The following ADAMTSL3 variants were observed in gnomAD, a reference collection of about 807,000 sequenced individuals.
ADAMTSL3 encodes the protein ADAMTS like 3.
A neutral mutation model predicts 201.7 loss-of-function variants in ADAMTSL3; 128 were observed. The ratio of observed to expected loss-of-function variants is 0.63; its 90% CI spans 0.55 to 0.73. The LOEUF is 0.73. Among genes scored for constraint, ADAMTSL3 ranks in the 30% least tolerant of loss-of-function variants. The probability of loss-of-function intolerance (pLI) is 0.00; values close to 1 mark genes in which losing one functional copy is unlikely to be tolerated. For missense variants in ADAMTSL3, 1,990 were observed against 2,119.6 expected (o/e 0.94, Z 1.20); for synonymous variants, 738 against 748.4 (o/e 0.99, Z 0.23).
intron 25 of ADAMTSL3, among the ~76,000 whole-genome samples, chr15:84,017,915 G>A (rs1288343831): frequency 6.6e-6 from 1 of 152,184 alleles, no homozygotes; most frequent in African/African-American, 2.4e-5. Context: ...GATGACCAAA[G>A]TACAATGGTA....
At chr15:83,783,104 C>A (rs1002867481) in intron 4 of ADAMTSL3, among the ~76,000 whole-genome samples, 1 of 147,744 alleles carries the variant, frequency 6.8e-6, no homozygotes, top group African/African-American at 2.5e-5. Context: ...AACATAGAAA[C>A]AATAATATAA....
At position 83,948,165 on chromosome 15, in the gene ADAMTSL3, G is replaced by A. The variant is rs562292285; in HGVS notation, c.2490+5083G>A. On this transcript the variant is annotated intron_variant, in intron 19 of 29. Coordinates refer to ENST00000286744, the MANE Select transcript of ADAMTSL3 (RefSeq NM_207517.3). ...TGGATTTTAAAATATGGCATTCCCCGATTTTCCATAGAACTATGAATTACA... is the reference window on the plus strand; with the variant it reads ...TGGATTTTAAAATATGGCATTCCCCAATTTTCCATAGAACTATGAATTACA... Among the ~76,000 whole-genome samples, 125 of 152,182 alleles carry A rather than the reference G, an allele frequency of 8.2e-4. 2 individuals carry two copies. Among genetic ancestry groups the A allele is most frequent in the Middle Eastern group, 3.4e-3 (1 of 294 alleles).
At chr15:83,807,214 G>T (rs2141871872) in intron 5 of ADAMTSL3, among the ~76,000 whole-genome samples, 1 of 152,292 alleles carries the variant, frequency 6.6e-6, no homozygotes, top group Middle Eastern at 3.4e-3. Flanking sequence ...CCAGCACTTT[G>T]GGAGGCTGAG....
At chr15:83,995,502 C>T (rs773443211) in intron 23 of ADAMTSL3, among the ~76,000 whole-genome samples, 11 of 152,110 alleles carry the variant, frequency 7.2e-5, no homozygotes, top group Non-Finnish European at 1.5e-4. Flanking sequence ...ATCACTATAT[C>T]TGTTCAACAC....
At chr15:83,765,837 A>G (rs1372231081) in intron 3 of ADAMTSL3, among the ~76,000 whole-genome samples, 2 of 152,218 alleles carry the variant, frequency 1.3e-5, no homozygotes, top group African/African-American at 2.4e-5. Flanking sequence ...AAGTGTTTTC[A>G]TAGCTTTCCT....
intron 9 of ADAMTSL3, among the ~76,000 whole-genome samples, chr15:83,884,338 CTTTTTTT>C (rs35308485): frequency 1.7e-4 from 20 of 114,486 alleles, no homozygotes; most frequent in Admixed American, 5.7e-4. Flanking sequence ...GCCCTATTTC[CTTTTTTT>C]TTTTTTTTTT....
chr15:83,778,896 T>G (rs1408581341), intron 4 of ADAMTSL3, among the ~76,000 whole-genome samples: 1 of 152,066 alleles, frequency 6.6e-6, no homozygotes, highest in African/African-American at 2.4e-5. Context: ...GTGACACACA[T>G]AGGCTCAAAT....
intron 3 of ADAMTSL3, among the ~76,000 whole-genome samples, chr15:83,735,220 A>G (rs2062351705): frequency 6.6e-6 from 1 of 152,182 alleles, no homozygotes; most frequent in Non-Finnish European, 1.5e-5. Flanking sequence ...GAATAAGACT[A>G]AAATAAAAAT....
intron 5 of ADAMTSL3, among the ~76,000 whole-genome samples, chr15:83,805,386 C>T (rs762979517): frequency 3.3e-5 from 5 of 151,900 alleles, no homozygotes; most frequent in Non-Finnish European, 5.9e-5. Context: ...GGTGAAATCC[C>T]ATCTCTACTA....
intron 3 of ADAMTSL3, among the ~76,000 whole-genome samples, chr15:83,717,850 T>C (rs1361380432): frequency 6.6e-6 from 1 of 152,228 alleles, no homozygotes; most frequent in African/African-American, 2.4e-5. Context: ...TTAAAACTTT[T>C]TGCAGTGACG....
intron 23 of ADAMTSL3, among the ~76,000 whole-genome samples, chr15:83,996,847 C>A (rs1010031517): frequency 7.0e-6 from 1 of 142,914 alleles, no homozygotes; most frequent in African/African-American, 2.6e-5. Flanking sequence ...GAAAGTGAAA[C>A]CCTAATAGCC....
At chr15:83,695,177 G>GTTTGTGT (rs1490536360) in intron 2 of ADAMTSL3, among the ~76,000 whole-genome samples, 3 of 8,544 alleles carry the variant, frequency 3.5e-4, no homozygotes, top group Non-Finnish European at 5.0e-4. Flanking sequence ...TGTAGCATGT[G>GTTTGTGT]ATGTGCATGA....
At chr15:84,028,176 A>G (rs1009702749) in intron 27 of ADAMTSL3, among the ~76,000 whole-genome samples, 20 of 152,324 alleles carry the variant, frequency 1.3e-4, no homozygotes, top group African/African-American at 4.6e-4. Context: ...TGATTATGGT[A>G]AAGGTTATAC....
intron 9 of ADAMTSL3, among the ~76,000 whole-genome samples, chr15:83,881,591 A>G (rs1195620872): frequency 6.6e-6 from 1 of 152,246 alleles, no homozygotes; most frequent in Non-Finnish European, 1.5e-5. Flanking sequence ...GCTTTGGCTC[A>G]TGCCTGTCAT....
At chr15:83,678,933 T>A (rs2061443131) in intron 2 of ADAMTSL3, among the ~76,000 whole-genome samples, 1 of 148,920 alleles carries the variant, frequency 6.7e-6, no homozygotes, top group African/African-American at 2.4e-5. Context: ...TATATATATA[T>A]TTCTTCTCCT....
chr15:83,988,218 G>A (rs2067516437), intron 21 of ADAMTSL3, among the ~76,000 whole-genome samples: 1 of 152,132 alleles, frequency 6.6e-6, no homozygotes. Context: ...CAGGAATAAT[G>A]AGACCATAAT....
chr15:83,930,187 G>T (rs1847821620), intron 17 of ADAMTSL3, among the ~76,000 whole-genome samples: 1 of 152,150 alleles, frequency 6.6e-6, no homozygotes, highest in Non-Finnish European at 1.5e-5. Context: ...ATGAAGAAAG[G>T]TGTTGGACTT....
At chr15:83,913,035 G>A in intron 15 of ADAMTSL3, 57 bp from the exon 16 acceptor site, 1 of 1,560,876 alleles carries the variant, frequency 6.4e-7, no homozygotes, top group Non-Finnish European at 8.7e-7. Flanking sequence ...CTCCTTTTCT[G>A]GCCTATATTT....
intron 2 of ADAMTSL3, among the ~76,000 whole-genome samples, chr15:83,658,546 C>T (rs901619920): frequency 5.3e-5 from 8 of 152,238 alleles, no homozygotes; most frequent in Non-Finnish European, 7.3e-5. Flanking sequence ...GACCATTCCT[C>T]GAGGAGCTCA....
Sources: gnomAD v4.1 joint callset for allele counts (sites outside exome capture counted in the v4.1 genomes callset) on GRCh38, gnomAD v4.1.1 for gene constraint, MANE v1.5 for transcripts, NCBI Gene and HGNC (gene_info 2026-07-23, HGNC 2026-07-21) for gene names.